SPOPL: variants seen among roughly 807,000 people sequenced by gnomAD.
SPOPL encodes speckle-type POZ protein-like.
A neutral mutation model predicts 53.8 loss-of-function variants in SPOPL; 23 were observed. The observed-to-expected ratio is 0.43, with a 90% CI of 0.31 to 0.61. The LOEUF (loss-of-function observed/expected upper bound fraction) is 0.61. Ranked by LOEUF, SPOPL falls within the 20% of genes least tolerant of loss-of-function variation. The pLI is 0.12. For missense variants in SPOPL, 442 were observed against 466.9 expected (o/e 0.95, Z 0.49); for synonymous variants, 164 against 149.7 (o/e 1.10, Z -0.70).
At chr2:138,538,921 C>T (rs1684998680) in intron 1 of SPOPL, among the ~76,000 whole-genome samples, 1 of 152,130 alleles carries the variant, frequency 6.6e-6, no homozygotes, top group South Asian at 2.1e-4. Flanking sequence ...ACAACAGACC[C>T]CGGTGTGTGA....
intron 1 of SPOPL, among the ~76,000 whole-genome samples, chr2:138,548,875 T>C (rs1272342999): frequency 6.6e-6 from 1 of 152,144 alleles, no homozygotes; most frequent in South Asian, 2.1e-4. Flanking sequence ...TTTCAGTACA[T>C]TTATTTAATT....
At chr2:138,503,218 GTA>G (rs142098046) in intron 1 of SPOPL, among the ~76,000 whole-genome samples, 1,654 of 152,338 alleles carry the variant, frequency 0.011, 32 homozygotes, top group African/African-American at 0.037. Flanking sequence ...GCTCAGACTA[GTA>G]TATAGTTGCC....
In SPOPL at chr2:138,573,161, CTTG is replaced by C. The variant is rs569697164; in HGVS notation, c.*4085_*4087del. 250 of 152,118 alleles carry C rather than the reference CTTG, an allele frequency of 1.6e-3. No homozygotes were observed. The highest frequency in any genetic ancestry group is 5.8e-3 in the African/African-American group (242 of 41,526). The allele number at this position is 152,118 out of a possible 1,614,324, so 9.4% of individuals were successfully genotyped here. ...ATGATAAGATACATAATACATGTAT[CTTG>C]TTGCTGAAAATATTTTTTGCATTTC... On this transcript the variant is annotated 3_prime_UTR_variant, in exon 11 of 11. Transcript: ENST00000280098.
At chr2:138,568,436 A>G (rs546581445) in intron 10 of SPOPL, among the ~76,000 whole-genome samples, 2 of 152,288 alleles carry the variant, frequency 1.3e-5, no homozygotes, top group African/African-American at 4.8e-5. Context: ...AGGCACATCC[A>G]AGTGAAAAAA....
intron 8 of SPOPL, among the ~76,000 whole-genome samples, chr2:138,562,876 T>C (rs1017456913): frequency 2.0e-5 from 3 of 151,582 alleles, no homozygotes. Flanking sequence ...GTTTGTGATG[T>C]TAGGTTAGGC....
rs1185362657 is a variant in SPOPL at position 138,570,293 on chromosome 2, GT to G, written c.*1218del. On this transcript the variant is annotated 3_prime_UTR_variant, in exon 11 of 11. Transcript: ENST00000280098. ...CACTAGGAACCTCCCCTCACTCCCCGTTTTTCTTCATTGTGTTTCAGTTACT... is the reference window on the plus strand; with the variant it reads ...CACTAGGAACCTCCCCTCACTCCCCGTTTTCTTCATTGTGTTTCAGTTACT... 6.6e-6 allele frequency: 1 copy of G among 152,064 alleles called. No homozygotes were observed. The highest frequency in any genetic ancestry group is 6.5e-5 in the Admixed American group (1 of 15,268). The allele number at this position is 152,064 out of a possible 1,614,324, so 9.4% of individuals were successfully genotyped here.
At chr2:138,520,084 T>A (rs1684524179) in intron 1 of SPOPL, among the ~76,000 whole-genome samples, 1 of 152,238 alleles carries the variant, frequency 6.6e-6, no homozygotes, top group South Asian at 2.1e-4. Context: ...TAACCTCCTC[T>A]ATGAGCTGAG....
chr2:138,557,400 C>A (rs1331670058), intron 5 of SPOPL, among the ~76,000 whole-genome samples: 1 of 152,108 alleles, frequency 6.6e-6, no homozygotes, highest in African/African-American at 2.4e-5. Context: ...TCTAGTTTTT[C>A]TTTAGAAGTG....
chr2:138,552,487 G>C, intron 4 of SPOPL, 67 bp from the exon 5 acceptor site: 2 of 1,533,624 alleles, frequency 1.3e-6, no homozygotes, highest in Non-Finnish European at 1.8e-6. Context: ...TTATTTAACT[G>C]TGTTACCATG....
intron 1 of SPOPL, among the ~76,000 whole-genome samples, chr2:138,536,656 T>A (rs1412653922): frequency 1.3e-5 from 2 of 152,208 alleles, no homozygotes; most frequent in Non-Finnish European, 2.9e-5. Context: ...TTCCTGTTTT[T>A]TTTTGGGCAA....
chr2:138,529,985 C>T (rs1684771848), intron 1 of SPOPL, among the ~76,000 whole-genome samples: 1 of 152,118 alleles, frequency 6.6e-6, no homozygotes. Context: ...GCTTTACCCT[C>T]TAATAGGCCC....
chr2:138,564,273 T>C (rs1685612257), intron 8 of SPOPL: 1 of 162,042 alleles, frequency 6.2e-6, no homozygotes, highest in East Asian at 1.8e-4. Context: ...CAACATGTTA[T>C]ATAACATACA....
At chr2:138,561,054 G>C in intron 8 of SPOPL, 127 bp downstream of exon 8, 1 of 1,119,136 alleles carries the variant, frequency 8.9e-7, no homozygotes. Flanking sequence ...TTATGAAATA[G>C]CATACAGTGG....
In SPOPL at chr2:138,572,504, G is replaced by A. The variant is rs1685809291; in HGVS notation, c.*3424G>A. On this transcript the variant is annotated 3_prime_UTR_variant, in exon 11 of 11. Transcript: ENST00000280098. ...ATAGAACAGGGATTGTGAAAATCCA[G>A]CTCAACATACTTAAGTATACTTGGC... 1 of 152,512 alleles carries A rather than the reference G, an allele frequency of 6.6e-6. No homozygotes were observed. Among genetic ancestry groups the A allele is most frequent in the Middle Eastern group, 3.4e-3 (1 of 294 alleles). The allele number at this position is 152,512 out of a possible 1,614,324, so 9.4% of individuals were successfully genotyped here. A position where few individuals can be genotyped will look rare whatever the true frequency, so the allele number is the denominator to read the frequency against.
intron 1 of SPOPL, among the ~76,000 whole-genome samples, chr2:138,515,126 G>A (rs781774865): frequency 2.0e-5 from 3 of 152,164 alleles, no homozygotes; most frequent in Non-Finnish European, 4.4e-5. Context: ...AAATGAGACG[G>A]TCATGAAAAT....
chr2:138,560,570 G>A (rs748434674), intron 7 of SPOPL, among the ~76,000 whole-genome samples: 40 of 151,808 alleles, frequency 2.6e-4, no homozygotes, highest in Non-Finnish European at 5.4e-4. Flanking sequence ...CCACCTCTCC[G>A]ATAGTGTATG....
At chr2:138,518,303 A>G (rs928599189) in intron 1 of SPOPL, among the ~76,000 whole-genome samples, 1 of 152,184 alleles carries the variant, frequency 6.6e-6, no homozygotes, top group Non-Finnish European at 1.5e-5. Context: ...AAACTAAGGT[A>G]AATTTGAAAA....
At chr2:138,560,036 A>G (rs918189794) in intron 7 of SPOPL, among the ~76,000 whole-genome samples, 1 of 152,192 alleles carries the variant, frequency 6.6e-6, no homozygotes, top group African/African-American at 2.4e-5. Flanking sequence ...GACATCAATG[A>G]TGTCATATAC....
intron 7 of SPOPL, among the ~76,000 whole-genome samples, chr2:138,559,868 C>T (rs751368652): frequency 7.2e-5 from 11 of 152,126 alleles, no homozygotes; most frequent in South Asian, 4.2e-4. Context: ...ACTTGTGAAC[C>T]GTAGGGCTCC....
Sources: allele counts gnomAD v4.1 joint callset (sites outside exome capture counted in the v4.1 genomes callset), GRCh38; gene constraint gnomAD v4.1.1; transcripts MANE v1.5; gene names NCBI Gene and HGNC (gene_info 2026-07-23, HGNC 2026-07-21).